Variants in MMP16 observed in about 807,000 individuals in gnomAD.
MMP16 encodes the protein matrix metalloproteinase-16.
MMP16 carries 12 observed loss-of-function variants against 67.8 expected under a neutral mutation model. The observed-to-expected ratio is 0.18, with a 90% CI of 0.11 to 0.29. MMP16 has a LOEUF of 0.29. Ranked by LOEUF, MMP16 falls within the 10% of genes least tolerant of loss-of-function variation. MMP16 has a pLI of 1.00. For synonymous variants in MMP16, 249 were observed against 255.9 expected (o/e 0.97, Z 0.26); for missense variants, 475 against 765.7 (o/e 0.62, Z 4.48).
At chr8:88,115,493 A>T (rs1368449244) in intron 6 of MMP16, among the ~76,000 whole-genome samples, 1 of 152,076 alleles carries the variant, frequency 6.6e-6, no homozygotes, top group Non-Finnish European at 1.5e-5. Flanking sequence ...TATGCATATT[A>T]TATCGAATCC....
chr8:88,149,488 T>C (rs2129641580), intron 4 of MMP16, among the ~76,000 whole-genome samples: 1 of 152,260 alleles, frequency 6.6e-6, no homozygotes, highest in East Asian at 1.9e-4. Flanking sequence ...AGAGCAGTGG[T>C]TCTCCCAGCA....
intron 1 of MMP16, among the ~76,000 whole-genome samples, chr8:88,220,435 T>C (rs905011454): frequency 6.6e-6 from 1 of 152,148 alleles, no homozygotes; most frequent in Non-Finnish European, 1.5e-5. Flanking sequence ...GCTGATTACA[T>C]CTCCACAGTA....
chr8:88,200,278 T>C (rs1360223627), intron 1 of MMP16, among the ~76,000 whole-genome samples: 1 of 151,990 alleles, frequency 6.6e-6, no homozygotes, highest in Non-Finnish European at 1.5e-5. Flanking sequence ...TTTGTTATGT[T>C]TTCTTCATTT....
At chr8:88,044,819 A>G (rs1808178273) in intron 9 of MMP16, among the ~76,000 whole-genome samples, 1 of 152,188 alleles carries the variant, frequency 6.6e-6, no homozygotes, top group African/African-American at 2.4e-5. Context: ...AGAAGTTGCT[A>G]TTTAACACAT....
intron 1 of MMP16, among the ~76,000 whole-genome samples, chr8:88,238,719 C>T (rs1809986154): frequency 6.7e-6 from 1 of 149,872 alleles, no homozygotes; most frequent in Non-Finnish European, 1.5e-5. Context: ...TATCCTTCTG[C>T]CTTTTTTATA....
At chr8:88,157,352 A>AGGTTATAT (rs1450970068) in intron 4 of MMP16, among the ~76,000 whole-genome samples, 2 of 151,976 alleles carry the variant, frequency 1.3e-5, no homozygotes, top group African/African-American at 4.8e-5. Flanking sequence ...GAATGTGCAC[A>AGGTTATAT]GGTTATATGC....
intron 6 of MMP16, among the ~76,000 whole-genome samples, chr8:88,084,168 C>T (rs915003580): frequency 3.9e-5 from 6 of 151,912 alleles, no homozygotes; most frequent in African/African-American, 1.4e-4. Context: ...ATGTCAGTTG[C>T]CACCCTAAGC....
intron 3 of MMP16, among the ~76,000 whole-genome samples, chr8:88,172,868 C>A (rs1011055314): frequency 6.6e-6 from 1 of 151,728 alleles, no homozygotes; most frequent in African/African-American, 2.4e-5. Context: ...TCTTACATAA[C>A]AAAACCAATG....
At chr8:88,147,036 C>A (rs909610351) in intron 4 of MMP16, among the ~76,000 whole-genome samples, 1 of 151,956 alleles carries the variant, frequency 6.6e-6, no homozygotes, top group South Asian at 2.1e-4. Context: ...TTTATTACAA[C>A]AACTTTACTT....
At chr8:88,225,448 A>G (rs968057201) in intron 1 of MMP16, among the ~76,000 whole-genome samples, 1 of 152,000 alleles carries the variant, frequency 6.6e-6, no homozygotes, top group Non-Finnish European at 1.5e-5. Flanking sequence ...CTTCTTTATA[A>G]TTACTAAAAA....
At chr8:88,313,630 C>T (rs894535853) in intron 1 of MMP16, among the ~76,000 whole-genome samples, 3 of 152,114 alleles carry the variant, frequency 2.0e-5, no homozygotes, top group Admixed American at 6.6e-5. Flanking sequence ...AAGCGTTATT[C>T]TTTCTACCTC....
intron 1 of MMP16, among the ~76,000 whole-genome samples, chr8:88,276,045 C>G (rs1429791652): frequency 6.6e-6 from 1 of 152,002 alleles, no homozygotes; most frequent in Non-Finnish European, 1.5e-5. Context: ...ATCCAGTGTA[C>G]TGTACATGTA....
In MMP16 at chr8:88,186,602, CAAAAAAAAAA is replaced by C; in HGVS notation, c.282-14_282-5del. 7.6e-5 allele frequency: 88 copies of C among 1,163,942 alleles called. No individual in the cohort carries two copies. Among genetic ancestry groups the C allele is most frequent in the Middle Eastern group, 3.4e-4 (1 of 2,916 alleles). The allele number at this position is 1,163,942 out of a possible 1,614,324, so 72.1% of individuals were successfully genotyped here. ...GCATCGGGGCTTCTTCATCCAGCTG[CAAAAAAAAAA>C]AAAAAAAAAAAAAAGCAGTATTTTC... On this transcript the variant is annotated splice_region_variant and splice_polypyrimidine_tract_variant and intron_variant, in intron 2 of 9. Transcript: ENST00000286614.
chr8:88,157,536 T>G (rs1420617877), intron 4 of MMP16, among the ~76,000 whole-genome samples: 1 of 151,962 alleles, frequency 6.6e-6, no homozygotes, highest in Non-Finnish European at 1.5e-5. Context: ...AAGTCATGTG[T>G]TGATGCTAAG....
Position 88,143,460 on chromosome 8 carries a change from C to A in MMP16, c.709+24209G>T, listed in dbSNP as rs559633421. ...AAATCATTGTTTTAGATATATTGAG[C>A]AAATGCAAAACTTATAATCTATTCT... On this transcript the variant is annotated intron_variant, in intron 4 of 9. Coordinates refer to ENST00000286614, the MANE Select transcript of MMP16 (RefSeq NM_005941.5). Among the ~76,000 whole-genome samples the A allele has an allele frequency of 3.3e-5, 5 of 152,124 alleles. No individual in the cohort carries two copies. In the South Asian group the frequency reaches 1.0e-3, roughly 32 times the overall value.
At chr8:88,279,875 T>C (rs1365114051) in intron 1 of MMP16, among the ~76,000 whole-genome samples, 1 of 152,086 alleles carries the variant, frequency 6.6e-6, no homozygotes, top group Non-Finnish European at 1.5e-5. Context: ...GGTAAGAAAC[T>C]ATGTAAGAAC....
chr8:88,220,392 A>C (rs1482580797), intron 1 of MMP16, among the ~76,000 whole-genome samples: 1 of 152,140 alleles, frequency 6.6e-6, no homozygotes, highest in African/African-American at 2.4e-5. Flanking sequence ...AGACTGTTCT[A>C]TAGAAATCCC....
At chr8:88,178,775 T>C (rs1439565500) in intron 3 of MMP16, among the ~76,000 whole-genome samples, 1 of 152,202 alleles carries the variant, frequency 6.6e-6, no homozygotes, top group Non-Finnish European at 1.5e-5. Context: ...TAACCGCATG[T>C]AAATTATTAT....
At chr8:88,269,265 C>T (rs2129968522) in intron 1 of MMP16, among the ~76,000 whole-genome samples, 1 of 152,116 alleles carries the variant, frequency 6.6e-6, no homozygotes, top group Non-Finnish European at 1.5e-5. Flanking sequence ...GCATGTAAAC[C>T]GGAGCACCAT....
Sources: gnomAD v4.1 joint callset for allele counts (sites outside exome capture counted in the v4.1 genomes callset) on GRCh38, gnomAD v4.1.1 for gene constraint, MANE v1.5 for transcripts, NCBI Gene and HGNC (gene_info 2026-07-23, HGNC 2026-07-21) for gene names.